The following AFAP1 variants were observed in gnomAD, a reference collection of about 807,000 sequenced individuals.
AFAP1 encodes actin filament-associated protein 1.
A neutral mutation model predicts 93.9 loss-of-function variants in AFAP1; 75 were observed. The observed-to-expected ratio is 0.80, with a 90% confidence interval of 0.66 to 0.97. The LOEUF is 0.97. Among genes scored for constraint, AFAP1 ranks in the 50% least tolerant of loss-of-function variants. The probability of loss-of-function intolerance (pLI) is 0.00; values close to 1 mark genes in which losing one functional copy is unlikely to be tolerated. For synonymous variants in AFAP1, 517 were observed against 430.7 expected (o/e 1.20, Z -2.48); for missense variants, 1,201 against 1,050.8 (o/e 1.14, Z -1.98).
At position 7,772,950 on chromosome 4, in the gene AFAP1, T is replaced by A; in HGVS notation, c.2123A>T (p.Gln708Leu). 1.2e-6 allele frequency: 2 copies of A among 1,613,624 alleles called. No homozygotes were observed. The highest frequency in any genetic ancestry group is 1.7e-6 in the Non-Finnish European group (2 of 1,180,020). The change falls in exon 16 of 18, where the codon CAG (glutamine) becomes CTG (leucine). Residue 708 changes from glutamine to leucine, a missense_variant. Transcript: ENST00000420658. The stretch of plus-strand genomic sequence containing the variant: ...CAGGCTGACACGCTCCGCCTCCTTC[T>A]GCCGGCACTCCTCCTCCAGCTGCTT... ...KLKQLEEECRQKEAERVSLEL... is the reference protein window; with the variant it reads ...KLKQLEEECRLKEAERVSLEL...
intron 3 of AFAP1, among the ~76,000 whole-genome samples, chr4:7,856,394 C>G (rs975296064): frequency 6.6e-5 from 10 of 152,084 alleles, no homozygotes; most frequent in Non-Finnish European, 1.2e-4. Context: ...AGGCGCCCAC[C>G]ACCACACCCG....
At chr4:7,860,059 C>T (rs908209838) in intron 3 of AFAP1, among the ~76,000 whole-genome samples, 1 of 152,154 alleles carries the variant, frequency 6.6e-6, no homozygotes, top group African/African-American at 2.4e-5. Context: ...GGGAGGACTG[C>T]TCGAGCCCGG....
At chr4:7,875,047 T>C (rs1297712381) in intron 1 of AFAP1, among the ~76,000 whole-genome samples, 1 of 152,216 alleles carries the variant, frequency 6.6e-6, no homozygotes, top group African/African-American at 2.4e-5. Flanking sequence ...AGGCAATTAC[T>C]TTAAGATCTT....
rs187348594 is a variant in AFAP1 at position 7,825,090 on chromosome 4, T to C, written c.727-5919A>G. ...GGTAATACAAATATTATCATTCATA[T>C]TTTCACTGTTTATTATAGTTCTAAG... On this transcript the variant is annotated intron_variant, in intron 6 of 17. Transcript: ENST00000420658. 4.5e-3 allele frequency among the ~76,000 whole-genome samples: 693 copies of C among 152,338 alleles called. 15 individuals carry two copies. The highest frequency in any genetic ancestry group is 1.4e-3 in the Non-Finnish European group (93 of 68,034).
In AFAP1 at chr4:7,910,767, T is replaced by C. The variant is rs79032135; in HGVS notation, c.-3+28889A>G. ...TAAGTGGCCACATGTGCTATGATGCTGTCTCATCTCGTCACCATAGACATC... is the reference window on the plus strand; with the variant it reads ...TAAGTGGCCACATGTGCTATGATGCCGTCTCATCTCGTCACCATAGACATC... On this transcript the variant is annotated intron_variant, in intron 1 of 17. Coordinates refer to ENST00000420658, the MANE Select transcript of AFAP1 (RefSeq NM_001134647.2). Among the ~76,000 whole-genome samples the C allele has an allele frequency of 2.1e-3, 316 of 152,366 alleles. 2 individuals are homozygous for C. Among genetic ancestry groups the C allele is most frequent in the East Asian group, 0.019 (96 of 5,180 alleles).
At position 7,914,251 on chromosome 4, in the gene AFAP1, C is replaced by A. The variant is rs528051740; in HGVS notation, c.-3+25405G>T. On this transcript the variant is annotated intron_variant, in intron 1 of 17. Coordinates refer to ENST00000420658, the MANE Select transcript of AFAP1 (RefSeq NM_001134647.2). ...TGTATTTTTAGTAGAGACGGGGTTT[C>A]GCCACGTTGGCCAGGCTGGTCTCTA... Among the ~76,000 whole-genome samples, 3 of 152,096 alleles carry A rather than the reference C, an allele frequency of 2.0e-5. No individual in the cohort carries two copies. The East Asian group carries it at 5.8e-4, about 29-fold the overall frequency.
At chr4:7,790,031 T>C (rs1251665089) in intron 11 of AFAP1, among the ~76,000 whole-genome samples, 3 of 152,254 alleles carry the variant, frequency 2.0e-5, no homozygotes, top group Non-Finnish European at 4.4e-5. Context: ...CTTTTCAAAA[T>C]ATATTACTGC....
intron 1 of AFAP1, among the ~76,000 whole-genome samples, chr4:7,915,862 G>T (rs1476560747): frequency 6.6e-6 from 1 of 152,222 alleles, no homozygotes; most frequent in Non-Finnish European, 1.5e-5. Flanking sequence ...CATACAATTA[G>T]CAAGGAATAG....
rs1233453979 is a variant in AFAP1 at position 7,874,356 on chromosome 4, C to CCTT, written c.-2-2277_-2-2276insAAG. Reference sequence around the variant, plus strand: ...CTGTGGGAGGTCAGATTGCCTTTTTCTTTTTTTTTTTTTTTTTTTTTTTTT... The same window carrying CCTT: ...CTGTGGGAGGTCAGATTGCCTTTTTCCTTTTTTTTTTTTTTTTTTTTTTTTTTT... On this transcript the variant is annotated intron_variant, in intron 1 of 17. Coordinates refer to ENST00000420658, the MANE Select transcript of AFAP1 (RefSeq NM_001134647.2). Among the ~76,000 whole-genome samples, 9 of 92,422 alleles carry CCTT rather than the reference C, an allele frequency of 9.7e-5. No homozygotes were observed. The East Asian group carries it at 3.2e-3, about 32-fold the overall frequency. The allele number at this position is 92,422 out of a possible 152,430, so 60.6% of individuals were successfully genotyped here.
intron 9 of AFAP1, among the ~76,000 whole-genome samples, chr4:7,808,697 G>A (rs973182234): frequency 2.0e-5 from 3 of 152,184 alleles, no homozygotes; most frequent in Non-Finnish European, 4.4e-5. Flanking sequence ...GGCTGGCCTG[G>A]TGGGAGGTGC....
chr4:7,777,299 G>A (rs976124318), intron 14 of AFAP1: 19 of 152,200 alleles, frequency 1.2e-4, no homozygotes, highest in Admixed American at 5.2e-4. Flanking sequence ...GTGGTAGGAG[G>A]GAGGATTTGG....
At position 7,763,697 on chromosome 4, in the gene AFAP1, C is replaced by CGTCACACAGATGAGGATACAGGCAAGGGG; in HGVS notation, c.*39_*67dup. 1 of 1,543,472 alleles carries CGTCACACAGATGAGGATACAGGCAAGGGG rather than the reference C, an allele frequency of 6.5e-7. No homozygotes were observed. ...GGCCACTCTGGGCAGAGCTTCCTGC[C>CGTCACACAGATGAGGATACAGGCAAGGGG]GTCACACAGATGAGGATACAGGCAA... On this transcript the variant is annotated 3_prime_UTR_variant, in exon 18 of 18. Transcript: ENST00000420658.
At chr4:7,831,430 G>C (rs143712902) in intron 6 of AFAP1, among the ~76,000 whole-genome samples, 4 of 150,136 alleles carry the variant, frequency 2.7e-5, no homozygotes, top group Non-Finnish European at 5.9e-5. Context: ...ATTAACTTCC[G>C]TTCATAAATG....
rs1716765918 is a variant in AFAP1 at position 7,781,486 on chromosome 4, T to C, written c.1672A>G (p.Arg558Gly). 3 of 1,552,216 alleles carry C rather than the reference T, an allele frequency of 1.9e-6. No homozygotes were observed. Among genetic ancestry groups the C allele is most frequent in the Non-Finnish European group, 2.6e-6 (3 of 1,147,104 alleles). ...GAGGACAGCTTGTCAGCAGACAGCC[T>C]AGAGGCCTTTCTGTCAGCAGGAGAG... ...RYSPADRKAS[R>G]LSADKLSSNH... is the part of the protein sequence containing the mutation. The change falls in exon 13 of 18, where the codon AGG (arginine) becomes GGG (glycine). Residue 558 changes from arginine to glycine, a missense_variant. By Grantham distance (125) the Arg-to-Gly change is moderately radical. Transcript: ENST00000420658.
Sources: gnomAD v4.1 joint callset for allele counts (sites outside exome capture counted in the v4.1 genomes callset) on GRCh38, gnomAD v4.1.1 for gene constraint, MANE v1.5 for transcripts, NCBI Gene and HGNC (gene_info 2026-07-23, HGNC 2026-07-21) for gene names.